LYPD6B: variants seen among roughly 807,000 people sequenced by gnomAD.
The protein encoded by LYPD6B is ly6/PLAUR domain-containing protein 6B.
In LYPD6B, 17 loss-of-function variants were observed where a neutral mutation model predicts 22.8. That is an observed-to-expected ratio of 0.75 (90% CI 0.51 to 1.12). The LOEUF is 1.12. Ranked by LOEUF, LYPD6B falls within the 50% of genes most tolerant of loss-of-function variation. The pLI is 0.00. For missense variants in LYPD6B, 221 were observed against 258.3 expected, an observed-to-expected ratio of 0.86 and a Z score of 0.99; for synonymous variants, 106 against 91.6, an observed-to-expected ratio of 1.16 and a Z score of -0.90.
chr2:149,211,103 G>A (rs184233831), intron 5 of LYPD6B, among the ~76,000 whole-genome samples: 2 of 152,064 alleles, frequency 1.3e-5, no homozygotes, highest in African/African-American at 4.8e-5. Flanking sequence ...GAAAGAGAGG[G>A]GGGAGGTGCT....
Position 149,038,774 on chromosome 2 carries a change from G to C in LYPD6B, c.-94G>C, listed in dbSNP as rs1158171546. ...GGGCCGGGAGCCGGGTGAGGGCGCCGAGAGGCTCGGTGGGCGCGGGCGGCG... is the reference window on the plus strand; with the variant it reads ...GGGCCGGGAGCCGGGTGAGGGCGCCCAGAGGCTCGGTGGGCGCGGGCGGCG... On this transcript the variant is annotated 5_prime_UTR_variant, in exon 1 of 7. Coordinates refer to ENST00000409642, the MANE Select transcript of LYPD6B (RefSeq NM_177964.5). The C allele has an allele frequency of 1.3e-5, 2 of 151,326 alleles. No homozygotes were observed. Among genetic ancestry groups the C allele is most frequent in the Non-Finnish European group, 2.9e-5 (2 of 67,830 alleles). The allele number at this position is 151,326 out of a possible 1,614,324, so 9.4% of individuals were successfully genotyped here.
chr2:149,211,683 C>T (rs1292782038), intron 5 of LYPD6B, among the ~76,000 whole-genome samples: 1 of 152,042 alleles, frequency 6.6e-6, no homozygotes, highest in African/African-American at 2.4e-5. Flanking sequence ...GACTTGCTCA[C>T]CTATGACAAA....
intron 1 of LYPD6B, among the ~76,000 whole-genome samples, chr2:149,070,756 T>C (rs375613558): frequency 3.8e-4 from 58 of 152,350 alleles, no homozygotes; most frequent in African/African-American, 1.3e-3. Context: ...TCTTGGTTGG[T>C]AATCATAGGA....
At chr2:149,088,858 A>C (rs1685517281) in intron 1 of LYPD6B, among the ~76,000 whole-genome samples, 1 of 152,142 alleles carries the variant, frequency 6.6e-6, no homozygotes, top group South Asian at 2.1e-4. Flanking sequence ...TCTCCTGTTA[A>C]AGGTTTCATA....
intron 3 of LYPD6B, 101 bp from the exon 4 acceptor site, chr2:149,205,152 T>C (rs1329642625): frequency 4.1e-6 from 5 of 1,216,870 alleles, no homozygotes; most frequent in Non-Finnish European, 5.8e-6. Context: ...AGGTAGATGG[T>C]TGGATATATT....
intron 1 of LYPD6B, among the ~76,000 whole-genome samples, chr2:149,100,710 T>C (rs1204754896): frequency 6.6e-6 from 1 of 152,224 alleles, no homozygotes; most frequent in African/African-American, 2.4e-5. Flanking sequence ...CTGTCTTATT[T>C]ATGTGGACTT....
At chr2:149,212,552 G>A (rs931514010) in intron 5 of LYPD6B, among the ~76,000 whole-genome samples, 3 of 152,016 alleles carry the variant, frequency 2.0e-5, no homozygotes, top group African/African-American at 7.2e-5. Context: ...AAAATGATGA[G>A]TAATGAAACA....
chr2:149,065,995 A>C (rs1255880465), intron 1 of LYPD6B, among the ~76,000 whole-genome samples: 1 of 152,032 alleles, frequency 6.6e-6, no homozygotes, highest in Non-Finnish European at 1.5e-5. Flanking sequence ...TACGAGTCTG[A>C]GCTACCGCAC....
rs556744370 is a variant in LYPD6B at position 149,109,220 on chromosome 2, G to A, written c.-66-21663G>A. Among the ~76,000 whole-genome samples the A allele has an allele frequency of 5.3e-5, 8 of 152,182 alleles. No homozygotes were observed. In the East Asian group the frequency reaches 1.2e-3, roughly 22 times the overall value. On this transcript the variant is annotated intron_variant, in intron 1 of 6. Transcript: ENST00000409642. ...AAGACTTCCTTTGATAGTTCTTGTG[G>A]TGCAGAACTTAAAGCTTTTGTATCA...
At chr2:149,086,883 G>A (rs1235684248) in intron 1 of LYPD6B, among the ~76,000 whole-genome samples, 3 of 152,006 alleles carry the variant, frequency 2.0e-5, no homozygotes, top group African/African-American at 7.3e-5. Flanking sequence ...AACCATCTGT[G>A]TCCAAATTTT....
At chr2:149,072,930 T>C (rs1396150485) in intron 1 of LYPD6B, among the ~76,000 whole-genome samples, 1 of 152,096 alleles carries the variant, frequency 6.6e-6, no homozygotes, top group South Asian at 2.1e-4. Flanking sequence ...AAGGTACTTA[T>C]GGGGAGAGAT....
chr2:149,123,228 A>G (rs1687486845), intron 1 of LYPD6B, among the ~76,000 whole-genome samples: 1 of 152,196 alleles, frequency 6.6e-6, no homozygotes, highest in Non-Finnish European at 1.5e-5. Flanking sequence ...TTTCAGCAGA[A>G]CATCATTCAG....
intron 1 of LYPD6B, among the ~76,000 whole-genome samples, chr2:149,075,660 T>C (rs1558983020): frequency 6.6e-6 from 1 of 152,142 alleles, no homozygotes; most frequent in African/African-American, 2.4e-5. Context: ...GTGCATAGTT[T>C]GACTATGACC....
At chr2:149,167,379 G>T (rs1408594686) in intron 3 of LYPD6B, among the ~76,000 whole-genome samples, 1 of 152,024 alleles carries the variant, frequency 6.6e-6, no homozygotes. Context: ...CCTTTTTGCT[G>T]CCTCCTGCTT....
chr2:149,040,742 C>T (rs539118177), intron 1 of LYPD6B, among the ~76,000 whole-genome samples: 1 of 152,310 alleles, frequency 6.6e-6, no homozygotes, highest in South Asian at 2.1e-4. Context: ...CTTTGCTCAC[C>T]AGCGCCTAAA....
chr2:149,075,630 T>C (rs1454772382), intron 1 of LYPD6B, among the ~76,000 whole-genome samples: 1 of 152,162 alleles, frequency 6.6e-6, no homozygotes, highest in African/African-American at 2.4e-5. Flanking sequence ...GGGCAGAAGT[T>C]AGAAGAACCT....
chr2:149,048,187 T>G (rs780405321), intron 1 of LYPD6B, among the ~76,000 whole-genome samples: 2 of 152,236 alleles, frequency 1.3e-5, no homozygotes, highest in Non-Finnish European at 2.9e-5. Flanking sequence ...AATTTTTTTT[T>G]GTTGATAACT....
intron 1 of LYPD6B, among the ~76,000 whole-genome samples, chr2:149,082,460 A>G (rs766619256): frequency 6.6e-5 from 10 of 152,194 alleles, no homozygotes; most frequent in Non-Finnish European, 1.0e-4. Flanking sequence ...GCTTGCATTA[A>G]TGGTTTTTAG....
At chr2:149,127,696 C>T (rs560257421) in intron 1 of LYPD6B, among the ~76,000 whole-genome samples, 1 of 151,992 alleles carries the variant, frequency 6.6e-6, no homozygotes, top group South Asian at 2.1e-4. Flanking sequence ...TTGTATTTCC[C>T]CAGGATCCTG....
Sources: gnomAD v4.1 joint callset for allele counts (sites outside exome capture counted in the v4.1 genomes callset) on GRCh38, gnomAD v4.1.1 for gene constraint, MANE v1.5 for transcripts, NCBI Gene and HGNC (gene_info 2026-07-23, HGNC 2026-07-21) for gene names.